The following GALR1 variants were observed in gnomAD, a reference collection of about 807,000 sequenced individuals.
GALR1 encodes the protein galanin receptor 1.
Under a neutral mutation model 17.9 loss-of-function variants are expected in GALR1, and 11 were observed. The ratio of observed to expected loss-of-function variants is 0.62; its 90% CI spans 0.39 to 1.02. The LOEUF (loss-of-function observed/expected upper bound fraction) is 1.02, where lower values mean the gene tolerates loss of function less well. GALR1 is among the 50% of genes least tolerant of loss of function. The pLI is 0.01. For synonymous variants in GALR1, 206 were observed against 205.7 expected (o/e 1.00, Z -0.01); for missense variants, 441 against 456.9 (o/e 0.97, Z 0.32).
chr18:77,255,366 G>T (rs9965142), intron 1 of GALR1, among the ~76,000 whole-genome samples: 19,912 of 152,212 alleles, frequency 0.13, 1,455 homozygotes, highest in Middle Eastern at 0.26. Context: ...AATAGTTTCT[G>T]TAATTGAGGG....
chr18:77,251,158 A>G lies in GALR1; in HGVS notation c.610A>G (p.Thr204Ala), dbSNP rs1912401517. ...PRHKKAYVVC[T>A]FVFGYLLPLL... ...CCACAAGAAGGCCTACGTGGTGTGC[A>G]CCTTCGTCTTCGGCTACCTGCTGCC... Residue 204 changes from threonine to alanine, a missense_variant, in exon 1 of 3, where the codon ACC becomes GCC. By Grantham distance (58) the Thr-to-Ala change is moderately conservative (BLOSUM62 0). Transcript: ENST00000299727. 5 of 1,611,494 alleles carry G rather than the reference A, an allele frequency of 3.1e-6. No homozygotes were observed. The highest frequency in any genetic ancestry group is 1.7e-5 in the Admixed American group (1 of 59,970).
chr18:77,271,246 A>ACCCCCC lies in GALR1; in HGVS notation c.*2352_*2357dup, dbSNP rs35556274. ...CAAAAAGTAATAGCTTGCGCTTGAA[A>ACCCCCC]CCCCCCCCCCCCCGCCACTTTGCTA... On this transcript the variant is annotated 3_prime_UTR_variant, in exon 3 of 3. Coordinates refer to ENST00000299727, the MANE Select transcript of GALR1 (RefSeq NM_001480.4). 2.6e-3 allele frequency: 202 copies of ACCCCCC among 77,946 alleles called. 1 individual carries two copies. The highest frequency in any genetic ancestry group is 3.6e-3 in the Non-Finnish European group (125 of 35,070). 4.8% of individuals were successfully genotyped at this position (77,946 alleles called of 1,614,324 possible).
At chr18:77,263,652 G>A (rs1912880828) in intron 2 of GALR1, among the ~76,000 whole-genome samples, 1 of 152,112 alleles carries the variant, frequency 6.6e-6, no homozygotes, top group African/African-American at 2.4e-5. Flanking sequence ...CTGAGATCTA[G>A]CCCTCCCTCT....
In GALR1 at chr18:77,250,585, G is replaced by A. The variant is rs1292074385; in HGVS notation, c.37G>A (p.Ala13Thr). The change falls in exon 1 of 3, where the codon GCG (alanine) becomes ACG (threonine). Residue 13 changes from alanine (A) to threonine (T), a missense_variant. Transcript: ENST00000299727. ...LAVGNLSEGNASWPEPPAPEP... is the reference protein window; with the variant it reads ...LAVGNLSEGNTSWPEPPAPEP... ...GGTCGGGAACCTCAGCGAGGGCAAC[G>A]CGAGCTGGCCGGAGCCCCCCGCCCC... is the stretch of plus-strand genomic sequence containing the variant. 5 of 1,544,604 alleles carry A rather than the reference G, an allele frequency of 3.2e-6. No homozygotes were observed. The highest frequency in any genetic ancestry group is 3.5e-6 in the Non-Finnish European group (4 of 1,149,968).
chr18:77,249,981 C>A lies in GALR1; in HGVS notation c.-568C>A, dbSNP rs1455804013. Among the ~76,000 whole-genome samples the A allele has an allele frequency of 6.6e-6, 1 of 152,230 alleles. No homozygotes were observed. The highest frequency in any genetic ancestry group is 6.5e-5 in the Admixed American group (1 of 15,288). On this transcript the variant is annotated 5_prime_UTR_variant, in exon 1 of 3. Coordinates refer to ENST00000299727, the MANE Select transcript of GALR1 (RefSeq NM_001480.4). ...AAAAGCCGGGAGGGAGTCGGAGGCG[C>A]CAGCCCACTGGGGAGGTGGCGCTGG...
intron 2 of GALR1, among the ~76,000 whole-genome samples, chr18:77,256,921 C>A (rs1246995489): frequency 1.3e-5 from 2 of 152,136 alleles, no homozygotes; most frequent in Admixed American, 1.3e-4. Context: ...TGAACTCTTA[C>A]TCAGAAAATA....
At chr18:77,251,844 C>A (rs759265221) in intron 1 of GALR1, among the ~76,000 whole-genome samples, 1 of 152,256 alleles carries the variant, frequency 6.6e-6, no homozygotes, top group Non-Finnish European at 1.5e-5. Flanking sequence ...TGTGAAGCCG[C>A]TGCTCCCGGG....
At chr18:77,258,570 G>GTGGTGGTGGTCATGGTGGTGA (rs1465116683) in intron 2 of GALR1, among the ~76,000 whole-genome samples, 32 of 145,776 alleles carry the variant, frequency 2.2e-4, no homozygotes, top group East Asian at 2.0e-4. Context: ...CATAGTGGGG[G>GTGGTGGTGGTCATGGTGGTGA]TGGTGGTGGT....
In GALR1 at chr18:77,271,187, T is replaced by C. The variant is rs1313652274; in HGVS notation, c.*2285T>C. 1.3e-5 allele frequency: 2 copies of C among 150,888 alleles called. No individual in the cohort carries two copies. The highest frequency in any genetic ancestry group is 4.9e-5 in the African/African-American group (2 of 41,048). The allele number at this position is 150,888 out of a possible 1,614,324, so 9.3% of individuals were successfully genotyped here. A position where few individuals can be genotyped will look rare whatever the true frequency, so the allele number is the denominator to read the frequency against. On this transcript the variant is annotated 3_prime_UTR_variant, in exon 3 of 3. Transcript: ENST00000299727. ...TGCTGTGCCTTTGGTCCTTCCCAGATGCTACTGGCACGTCTGAAGCTTGAG... is the reference window on the plus strand; with the variant it reads ...TGCTGTGCCTTTGGTCCTTCCCAGACGCTACTGGCACGTCTGAAGCTTGAG...
In GALR1 at chr18:77,249,865, G is replaced by T. The variant is rs896565604; in HGVS notation, c.-684G>T. Among the ~76,000 whole-genome samples, 53 of 152,234 alleles carry T rather than the reference G, an allele frequency of 3.5e-4. 1 individual carries two copies. The highest frequency in any genetic ancestry group is 3.5e-3 in the Admixed American group (53 of 15,292). ...GCCGAGCTGTTTTCGCCTCTCAGTT[G>T]CAGCAGAGAAGCCCCTGGCACCCGA... On this transcript the variant is annotated 5_prime_UTR_variant, in exon 1 of 3. Coordinates refer to ENST00000299727, the MANE Select transcript of GALR1 (RefSeq NM_001480.4).
In GALR1 at chr18:77,270,526, A is replaced by G. The variant is rs1599366724; in HGVS notation, c.*1624A>G. The stretch of plus-strand genomic sequence containing the variant: ...AAGACTCTGTCTAAAATATATATAT[A>G]TATGTGTGTGTGTGTGTGTGTGTGT... On this transcript the variant is annotated 3_prime_UTR_variant, in exon 3 of 3. Coordinates refer to ENST00000299727, the MANE Select transcript of GALR1 (RefSeq NM_001480.4). 8.6e-6 allele frequency: 1 copy of G among 115,676 alleles called. No homozygotes were observed. Among genetic ancestry groups the G allele is most frequent in the African/African-American group, 3.1e-5 (1 of 32,530 alleles). The allele number at this position is 115,676 out of a possible 1,614,324, so 7.2% of individuals were successfully genotyped here.
Position 77,275,792 on chromosome 18 carries a change from G to T in GALR1, c.*6890G>T, listed in dbSNP as rs1568146383. 1 of 152,150 alleles carries T rather than the reference G, an allele frequency of 6.6e-6. No homozygotes were observed. Among genetic ancestry groups the T allele is most frequent in the Non-Finnish European group, 1.5e-5 (1 of 68,036 alleles). 9.4% of individuals were successfully genotyped at this position (152,150 alleles called of 1,614,324 possible). On this transcript the variant is annotated 3_prime_UTR_variant, in exon 3 of 3. Coordinates refer to ENST00000299727, the MANE Select transcript of GALR1 (RefSeq NM_001480.4). The stretch of plus-strand genomic sequence containing the variant: ...AACCATGTCATTTTCCTTCTAGAGA[G>T]AATTTCCTGGTATGTCAATGTAGCT...
chr18:77,275,936 A>G lies in GALR1; in HGVS notation c.*7034A>G, dbSNP rs1374244421. 6.6e-6 allele frequency: 1 copy of G among 152,218 alleles called. No individual in the cohort carries two copies. Among genetic ancestry groups the G allele is most frequent in the Non-Finnish European group, 1.5e-5 (1 of 68,040 alleles). 9.4% of individuals were successfully genotyped at this position (152,218 alleles called of 1,614,324 possible). ...CCTCATGGGGCCTAGAGGAACTTTT[A>G]CATGGTAGACACTGAGTGAATACAC... is the stretch of plus-strand genomic sequence containing the variant. On this transcript the variant is annotated 3_prime_UTR_variant, in exon 3 of 3. Transcript: ENST00000299727.
intron 2 of GALR1, among the ~76,000 whole-genome samples, chr18:77,260,332 G>C (rs921026019): frequency 2.0e-5 from 3 of 152,108 alleles, no homozygotes; most frequent in African/African-American, 4.8e-5. Flanking sequence ...ATTATTCATA[G>C]GGTGGGAGGT....
chr18:77,253,489 G>A (rs1795284361), intron 1 of GALR1, among the ~76,000 whole-genome samples: 1 of 152,194 alleles, frequency 6.6e-6, no homozygotes, highest in Admixed American at 6.5e-5. Context: ...AAGCCTTCAG[G>A]GAGAAGAGCT....
intron 2 of GALR1, among the ~76,000 whole-genome samples, chr18:77,257,851 T>C (rs982664827): frequency 6.6e-6 from 1 of 152,220 alleles, no homozygotes; most frequent in Non-Finnish European, 1.5e-5. Flanking sequence ...TTAATTTCCC[T>C]TGGGAGGGAT....
rs1913084670 is a variant in GALR1 at position 77,272,545 on chromosome 18, C to T, written c.*3643C>T. ...TACATAGTCACTAACTGCGAAAATA[C>T]ATCAATGTGGCTACTTCCTCTGGAA... is the stretch of plus-strand genomic sequence containing the variant. On this transcript the variant is annotated 3_prime_UTR_variant, in exon 3 of 3. Transcript: ENST00000299727. 6.6e-6 allele frequency: 1 copy of T among 152,222 alleles called. No individual in the cohort carries two copies. The highest frequency in any genetic ancestry group is 1.5e-5 in the Non-Finnish European group (1 of 68,038). 9.4% of individuals were successfully genotyped at this position (152,222 alleles called of 1,614,324 possible).
At position 77,276,529 on chromosome 18, in the gene GALR1, C is replaced by G. The variant is rs1257365506; in HGVS notation, c.*7627C>G. The G allele has an allele frequency of 6.6e-6, 1 of 152,202 alleles. No individual in the cohort carries two copies. Among genetic ancestry groups the G allele is most frequent in the Non-Finnish European group, 1.5e-5 (1 of 68,036 alleles). The allele number at this position is 152,202 out of a possible 1,614,324, so 9.4% of individuals were successfully genotyped here. A position where few individuals can be genotyped will look rare whatever the true frequency, so the allele number is the denominator to read the frequency against. On this transcript the variant is annotated 3_prime_UTR_variant, in exon 3 of 3. Transcript: ENST00000299727. ...GTTGAATGCAGATTGTTGGCCACAT[C>G]TCCAGAATTTCTCATTCAGTAGATT...
intron 1 of GALR1, 151 bp downstream of exon 1, chr18:77,251,365 C>CA (rs1485672868): frequency 8.1e-7 from 1 of 1,239,814 alleles, no homozygotes; most frequent in East Asian, 2.5e-5. Context: ...CGGATCTGTG[C>CA]AGAGAGGCTT....
Sources: allele counts gnomAD v4.1 joint callset (sites outside exome capture counted in the v4.1 genomes callset), GRCh38; gene constraint gnomAD v4.1.1; transcripts MANE v1.5; gene names NCBI Gene and HGNC (gene_info 2026-07-23, HGNC 2026-07-21).